ZFAT: variants seen among roughly 807,000 people sequenced by gnomAD.
ZFAT encodes the protein zinc finger and AT-hook domain containing.
A neutral mutation model predicts 117.7 loss-of-function variants in ZFAT; 64 were observed. The observed-to-expected ratio is 0.54, with a 90% CI of 0.44 to 0.67. ZFAT has a LOEUF of 0.67. Ranked by LOEUF, ZFAT falls within the 30% of genes least tolerant of loss-of-function variation. The pLI, the probability that ZFAT is intolerant of heterozygous loss-of-function variation, is 0.00. For missense variants in ZFAT, 1,433 were observed against 1,584.5 expected (o/e 0.90, Z 1.62); for synonymous variants, 679 against 615.0 (o/e 1.10, Z -1.54).
chr8:134,536,105 T>C lies in ZFAT; in HGVS notation c.2977-3133A>G, dbSNP rs111976941. Among the ~76,000 whole-genome samples the C allele has an allele frequency of 9.4e-3, 1,437 of 152,286 alleles. 24 individuals are homozygous for C. Among genetic ancestry groups the C allele is most frequent in the African/African-American group, 0.033 (1,380 of 41,544 alleles). On this transcript the variant is annotated intron_variant, in intron 11 of 15. Transcript: ENST00000377838. Reference sequence around the variant, plus strand: ...TCCCCATGCCCATCCATTGGCAGAATTGCTAACGAGAAGAAAAGTTGCCAA... The same window carrying C: ...TCCCCATGCCCATCCATTGGCAGAACTGCTAACGAGAAGAAAAGTTGCCAA...
intron 1 of ZFAT, among the ~76,000 whole-genome samples, chr8:134,695,498 A>C (rs530411632): frequency 4.0e-5 from 6 of 150,196 alleles, no homozygotes; most frequent in Non-Finnish European, 5.9e-5. Flanking sequence ...GCCATCTCTA[A>C]CAAAGGCGGC....
chr8:134,729,702 G>T, the ZFAT span, among the ~76,000 whole-genome samples: 3 of 152,052 alleles, frequency 2.0e-5, no homozygotes, highest in Non-Finnish European at 4.4e-5. Flanking sequence ...GAATAGCATC[G>T]TCCTTATAAG....
chr8:134,697,857 A>C (rs1189020185), intron 1 of ZFAT, among the ~76,000 whole-genome samples: 1 of 150,160 alleles, frequency 6.7e-6, no homozygotes, highest in East Asian at 2.1e-4. Context: ...CTGGGATTAC[A>C]GGCGTGAGCC....
At chr8:134,507,635 T>C (rs1819512599) in intron 15 of ZFAT, among the ~76,000 whole-genome samples, 1 of 152,232 alleles carries the variant, frequency 6.6e-6, no homozygotes, top group Admixed American at 6.5e-5. Context: ...TCATCCCTTG[T>C]GGTGCTGTCA....
chr8:134,628,805 A>T (rs896404087), intron 3 of ZFAT, among the ~76,000 whole-genome samples: 13 of 152,238 alleles, frequency 8.5e-5, no homozygotes, highest in African/African-American at 3.1e-4. Context: ...AAATGGGAAT[A>T]AAAACAGTAA....
intron 11 of ZFAT, among the ~76,000 whole-genome samples, chr8:134,538,134 G>A (rs1821974725): frequency 6.6e-6 from 1 of 152,204 alleles, no homozygotes; most frequent in South Asian, 2.1e-4. Flanking sequence ...AGAGAAGCAG[G>A]ATTGGATCAG....
the ZFAT span, among the ~76,000 whole-genome samples, chr8:134,757,204 G>A: frequency 0.39 from 58,277 of 151,058 alleles, 11,280 homozygotes; most frequent in Admixed American, 0.46. Context: ...TTTAGTAGAG[G>A]TGGGTTTTCA....
chr8:134,657,826 C>T (rs1348478723), intron 1 of ZFAT, 89 bp from the exon 2 acceptor site: 8 of 1,394,648 alleles, frequency 5.7e-6, no homozygotes, highest in Non-Finnish European at 7.8e-6. Flanking sequence ...CGAAAGCTGC[C>T]CTTCTGAGCC....
At chr8:134,539,706 G>A (rs1452739507) in intron 11 of ZFAT, among the ~76,000 whole-genome samples, 1 of 152,186 alleles carries the variant, frequency 6.6e-6, no homozygotes, top group Non-Finnish European at 1.5e-5. Context: ...GGACTAGTTG[G>A]TACAAGACCA....
the ZFAT span, among the ~76,000 whole-genome samples, chr8:134,771,822 G>A: frequency 1.3e-5 from 2 of 152,202 alleles, no homozygotes; most frequent in African/African-American, 4.8e-5. Flanking sequence ...AAAGAAAGAG[G>A]TTTAATGGAT....
chr8:134,820,728 C>A, the ZFAT span, among the ~76,000 whole-genome samples: 1 of 152,156 alleles, frequency 6.6e-6, no homozygotes, highest in East Asian at 1.9e-4. Flanking sequence ...AACCTGATGT[C>A]AACAGAATAA....
Position 134,700,961 on chromosome 8 carries a change from G to A in ZFAT, c.19+11884C>T, listed in dbSNP as rs188510404. Among the ~76,000 whole-genome samples, 473 of 152,196 alleles carry A rather than the reference G, an allele frequency of 3.1e-3. 2 individuals carry two copies. The highest frequency in any genetic ancestry group is 0.011 in the African/African-American group (449 of 41,514). On this transcript the variant is annotated intron_variant, in intron 1 of 15. Transcript: ENST00000377838. The stretch of plus-strand genomic sequence containing the variant: ...TCCCAAGTGCCCACACCAAGCTTCC[G>A]GTGCCTCTTCAGTCAGTGCCCTCAC...
chr8:134,499,145 G>T (rs536627778), intron 15 of ZFAT, among the ~76,000 whole-genome samples: 1 of 127,628 alleles, frequency 7.8e-6, no homozygotes, highest in Non-Finnish European at 1.7e-5. Context: ...ATTTGGTAGG[G>T]TTGGCGTGGA....
At chr8:134,584,732 A>G (rs1825945091) in intron 9 of ZFAT, among the ~76,000 whole-genome samples, 1 of 145,760 alleles carries the variant, frequency 6.9e-6, no homozygotes, top group African/African-American at 2.5e-5. Flanking sequence ...AGATGCAGAC[A>G]GGTAAACAGG....
the ZFAT span, among the ~76,000 whole-genome samples, chr8:134,770,799 T>C: frequency 2.0e-5 from 3 of 152,096 alleles, no homozygotes; most frequent in Admixed American, 2.0e-4. Context: ...TGCGGGTAGG[T>C]CTCTAAACTG....
chr8:134,552,685 A>T (rs542092489), intron 11 of ZFAT, among the ~76,000 whole-genome samples: 25 of 152,182 alleles, frequency 1.6e-4, no homozygotes, highest in African/African-American at 5.3e-4. Flanking sequence ...GGCCAGTCTC[A>T]CCTTCTGGAG....
In ZFAT at chr8:134,509,728, G is replaced by GAT. The variant is rs1456875867; in HGVS notation, c.3382_3383insAT (p.Ala1128AspfsTer3). 2 of 1,609,458 alleles carry GAT rather than the reference G, an allele frequency of 1.2e-6. No individual in the cohort carries two copies. The highest frequency in any genetic ancestry group is 1.7e-6 in the Non-Finnish European group (2 of 1,178,526). ...AATGATCTGCTGCAGGATGTTCACG[G>GAT]CCGTGGGGTCCAGTCGGTCGCCTTA... is the stretch of plus-strand genomic sequence containing the variant. On this transcript the variant is annotated frameshift_variant, in exon 15 of 16. Coordinates refer to ENST00000377838, the MANE Select transcript of ZFAT (RefSeq NM_020863.4). LOFTEE classifies it high-confidence loss of function.
rs559615454 is a variant in ZFAT, at chr8:134,570,472, G to A, written c.2888-5051C>T. 3.3e-5 allele frequency among the ~76,000 whole-genome samples: 5 copies of A among 152,266 alleles called. No individual in the cohort carries two copies. In the South Asian group the frequency reaches 1.0e-3, roughly 32 times the overall value. On this transcript the variant is annotated intron_variant, in intron 10 of 15. Transcript: ENST00000377838. ...ACGAGAATTTTCGCCTCATGACAGT[G>A]GAGATTTTGGGTTTGGGCTTTGGTT... is the stretch of plus-strand genomic sequence containing the variant.
At chr8:134,562,275 T>A (rs937167472) in intron 11 of ZFAT, among the ~76,000 whole-genome samples, 6 of 152,234 alleles carry the variant, frequency 3.9e-5, no homozygotes, top group African/African-American at 1.4e-4. Flanking sequence ...TGCCAACACC[T>A]TGATTTTATC....
Sources: gnomAD v4.1 joint callset for allele counts (sites outside exome capture counted in the v4.1 genomes callset) on GRCh38, gnomAD v4.1.1 for gene constraint, MANE v1.5 for transcripts, NCBI Gene and HGNC (gene_info 2026-07-23, HGNC 2026-07-21) for gene names.